MAPRE2: variants seen among roughly 807,000 people sequenced by gnomAD.
MAPRE2 encodes the protein microtubule-associated protein RP/EB family member 2.
In MAPRE2, 13 loss-of-function variants were observed where a neutral mutation model predicts 43.2. The ratio of observed to expected loss-of-function variants is 0.30; its 90% CI spans 0.20 to 0.48. The LOEUF (loss-of-function observed/expected upper bound fraction) is 0.48. MAPRE2 is among the 20% of genes least tolerant of loss of function. The pLI is 0.99. For synonymous variants in MAPRE2, 135 were observed against 148.8 expected, an observed-to-expected ratio of 0.91 and a Z score of 0.68; for missense variants, 161 against 400.2, an observed-to-expected ratio of 0.40 and a Z score of 5.10.
At chr18:35,014,054 G>GA (rs2097036560) in intron 2 of MAPRE2, among the ~76,000 whole-genome samples, 1 of 152,162 alleles carries the variant, frequency 6.6e-6, no homozygotes, top group Non-Finnish European at 1.5e-5. Flanking sequence ...CAGGAGGCAA[G>GA]AGGGGAGACC....
At chr18:35,062,462 C>T (rs1603396248) in intron 1 of MAPRE2, among the ~76,000 whole-genome samples, 1 of 152,156 alleles carries the variant, frequency 6.6e-6, no homozygotes, top group Middle Eastern at 3.2e-3. Context: ...AGTAAAAAGC[C>T]TTCTTTACAA....
At chr18:35,088,495 C>A (rs1907982820) in intron 2 of MAPRE2, among the ~76,000 whole-genome samples, 1 of 152,164 alleles carries the variant, frequency 6.6e-6, no homozygotes, top group South Asian at 2.1e-4. Flanking sequence ...TCATAGAAAA[C>A]CACTGTGATA....
chr18:35,001,126 C>A (rs1490134379), intron 1 of MAPRE2, among the ~76,000 whole-genome samples: 1 of 152,118 alleles, frequency 6.6e-6, no homozygotes, highest in Non-Finnish European at 1.5e-5. Flanking sequence ...TTAAATATTC[C>A]ATTTCTATGC....
At chr18:35,119,508 G>A (rs1909574750) in intron 4 of MAPRE2, among the ~76,000 whole-genome samples, 1 of 152,152 alleles carries the variant, frequency 6.6e-6, no homozygotes, top group Non-Finnish European at 1.5e-5. Flanking sequence ...TTCATTCATT[G>A]TTTGATCTCA....
chr18:35,140,464 T>G lies in MAPRE2; in HGVS notation c.*95T>G, dbSNP rs1163279654. 1 of 1,210,038 alleles carries G rather than the reference T, an allele frequency of 8.3e-7. No individual in the cohort carries two copies. The highest frequency in any genetic ancestry group is 2.6e-5 in the East Asian group (1 of 38,876). 75.0% of individuals were successfully genotyped at this position (1,210,038 alleles called of 1,614,324 possible). On this transcript the variant is annotated 3_prime_UTR_variant, in exon 7 of 7. Coordinates refer to ENST00000300249, the MANE Select transcript of MAPRE2 (RefSeq NM_014268.4). ...TGGCCCCAAGCTCAACAGAAACCAGTTGTTCCCAATCTGCCGTTACCATCA... is the reference window on the plus strand; with the variant it reads ...TGGCCCCAAGCTCAACAGAAACCAGGTGTTCCCAATCTGCCGTTACCATCA...
At chr18:35,050,869 G>A (rs1905902868) in intron 1 of MAPRE2, among the ~76,000 whole-genome samples, 1 of 152,074 alleles carries the variant, frequency 6.6e-6, no homozygotes, top group Non-Finnish European at 1.5e-5. Context: ...CTCTCACCCA[G>A]GAGTCTGGGT....
chr18:35,058,383 G>A (rs533877147), intron 1 of MAPRE2, among the ~76,000 whole-genome samples: 2 of 152,242 alleles, frequency 1.3e-5, no homozygotes, highest in East Asian at 3.9e-4. Flanking sequence ...CAATCTCTAA[G>A]AGTAGAATAC....
intron 2 of MAPRE2, among the ~76,000 whole-genome samples, chr18:35,096,775 T>C (rs992494540): frequency 4.6e-5 from 7 of 151,660 alleles, no homozygotes; most frequent in African/African-American, 1.5e-4. Context: ...GTATAAGTAA[T>C]AATAGTTAAT....
upstream of MAPRE2, among the ~76,000 whole-genome samples, chr18:35,036,875 AC>A (rs2097050843): frequency 6.6e-6 from 1 of 152,242 alleles, no homozygotes; most frequent in Admixed American, 6.5e-5. Context: ...AGAGCGGTGA[AC>A]AAAACTCCTG....
intron 1 of MAPRE2, among the ~76,000 whole-genome samples, chr18:34,986,257 A>T (rs966690355): frequency 6.6e-6 from 1 of 152,172 alleles, no homozygotes. Flanking sequence ...AAGAGATGAC[A>T]GGGCCTGAAA....
At chr18:35,095,363 T>TACACACACACACACAC (rs34361204) in intron 2 of MAPRE2, among the ~76,000 whole-genome samples, 2 of 136,090 alleles carry the variant, frequency 1.5e-5, no homozygotes, top group East Asian at 2.2e-4. Context: ...TTTAAGAAAA[T>TACACACACACACACAC]ACACACACAC....
chr18:35,088,688 A>G (rs565599740), intron 2 of MAPRE2, among the ~76,000 whole-genome samples: 2 of 152,212 alleles, frequency 1.3e-5, no homozygotes, highest in Non-Finnish European at 2.9e-5. Context: ...GACACTGGCA[A>G]TGATTCCTGA....
chr18:35,078,888 T>C (rs1448948048), intron 2 of MAPRE2, among the ~76,000 whole-genome samples: 1 of 152,166 alleles, frequency 6.6e-6, no homozygotes, highest in Admixed American at 6.5e-5. Flanking sequence ...CATTTGCTCC[T>C]AGTCTTATGA....
At chr18:35,093,131 G>A (rs1908233334) in intron 2 of MAPRE2, among the ~76,000 whole-genome samples, 1 of 136,844 alleles carries the variant, frequency 7.3e-6, no homozygotes. Flanking sequence ...AGAATCACTT[G>A]AACCTGGGAG....
chr18:35,070,127 C>A, intron 1 of MAPRE2, 68 bp from the exon 2 acceptor site: 1 of 1,433,878 alleles, frequency 7.0e-7, no homozygotes, highest in Non-Finnish European at 9.4e-7. Context: ...ATCTTGACCT[C>A]GAATAGGTAT....
In MAPRE2 at chr18:34,978,430, A is replaced by C. The variant is rs2097014359; in HGVS notation, c.-70+1351A>C. 2.4e-6 allele frequency: 3 copies of C among 1,225,264 alleles called. No individual in the cohort carries two copies. In the South Asian group the frequency reaches 3.9e-5, roughly 16 times the overall value. The allele number at this position is 1,225,264 out of a possible 1,614,324, so 75.9% of individuals were successfully genotyped here. On this transcript the variant is annotated intron_variant, in intron 1 of 7. Transcript: ENST00000413393. ...CGGTCCCAGCTGGGGTGAAGTGTGC[A>C]GACCGGTTGCGATTGTGGTCAGACG... is the stretch of plus-strand genomic sequence containing the variant.
intron 2 of MAPRE2, among the ~76,000 whole-genome samples, chr18:35,095,386 A>ACACG (rs750589932): frequency 9.3e-4 from 135 of 144,608 alleles, no homozygotes; most frequent in Middle Eastern, 3.4e-3. Flanking sequence ...ACACACACAC[A>ACACG]CACACACACA....
chr18:35,043,457 CAGAA>C (rs1415348712), intron 1 of MAPRE2, among the ~76,000 whole-genome samples: 2 of 152,122 alleles, frequency 1.3e-5, no homozygotes, highest in African/African-American at 2.4e-5. Context: ...AATCATTTGA[CAGAA>C]AGGTTAAATG....
At chr18:35,035,447 A>G (rs946597019) in intron 2 of MAPRE2, among the ~76,000 whole-genome samples, 1 of 151,808 alleles carries the variant, frequency 6.6e-6, no homozygotes, top group African/African-American at 2.4e-5. Flanking sequence ...CACCAGCATG[A>G]CACATGTATA....
Sources: allele counts gnomAD v4.1 joint callset (sites outside exome capture counted in the v4.1 genomes callset), GRCh38; gene constraint gnomAD v4.1.1; transcripts MANE v1.5; gene names NCBI Gene and HGNC (gene_info 2026-07-23, HGNC 2026-07-21).